Variants in HPCAL1 observed in about 807,000 individuals in gnomAD.
The protein encoded by HPCAL1 is hippocalcin-like protein 1.
Under a neutral mutation model 17.1 loss-of-function variants are expected in HPCAL1, and 8 were observed. The ratio of observed to expected loss-of-function variants is 0.47; its 90% confidence interval spans 0.27 to 0.84. The LOEUF (loss-of-function observed/expected upper bound fraction) is 0.84. Among genes scored for constraint, HPCAL1 ranks in the 40% least tolerant of loss-of-function variants. The pLI, the probability that HPCAL1 is intolerant of heterozygous loss-of-function variation, is 0.13. For missense variants in HPCAL1, 165 were observed against 271.1 expected (o/e 0.61, Z 2.75); for synonymous variants, 112 against 111.4 (o/e 1.01, Z -0.03).
chr2:10,413,122 C>T (rs968615075), intron 2 of HPCAL1, among the ~76,000 whole-genome samples: 11 of 152,200 alleles, frequency 7.2e-5, no homozygotes, highest in Admixed American at 2.0e-4. Flanking sequence ...GATGCAGAAA[C>T]AGATCAGAGG....
At chr2:10,409,453 T>C (rs1670189843) in intron 2 of HPCAL1, among the ~76,000 whole-genome samples, 1 of 152,208 alleles carries the variant, frequency 6.6e-6, no homozygotes, top group South Asian at 2.1e-4. Flanking sequence ...AAGCTAAGGC[T>C]GCAGGCAGCT....
intron 1 of HPCAL1, among the ~76,000 whole-genome samples, chr2:10,353,176 C>T (rs1362319287): frequency 6.6e-6 from 1 of 152,186 alleles, no homozygotes; most frequent in Non-Finnish European, 1.5e-5. Flanking sequence ...CCTCAGTTTC[C>T]TCATCTGTCA....
intron 1 of HPCAL1, among the ~76,000 whole-genome samples, chr2:10,374,794 C>T (rs1192564144): frequency 6.6e-6 from 1 of 152,250 alleles, no homozygotes; most frequent in Non-Finnish European, 1.5e-5. Flanking sequence ...GTGGCCCTGC[C>T]TGTAATCTTA....
chr2:10,397,648 A>C lies in HPCAL1; in HGVS notation c.-25+728A>C, dbSNP rs3771149. On this transcript the variant is annotated intron_variant, in intron 2 of 4. Coordinates refer to ENST00000307845, the MANE Select transcript of HPCAL1 (RefSeq NM_002149.4). Reference sequence around the variant, plus strand: ...TTAGCCTGGCTTAGGGGCTTTTTCCATCCGGAATCCTTCCTGGCCCTGCCT... The same window carrying C: ...TTAGCCTGGCTTAGGGGCTTTTTCCCTCCGGAATCCTTCCTGGCCCTGCCT... 8.8e-3 allele frequency among the ~76,000 whole-genome samples: 1,340 copies of C among 152,176 alleles called. 52 individuals are homozygous for C. The highest frequency in any genetic ancestry group is 0.077 in the East Asian group (399 of 5,154).
intron 1 of HPCAL1, among the ~76,000 whole-genome samples, chr2:10,335,489 A>G (rs775005764): frequency 1.1e-4 from 17 of 152,338 alleles, no homozygotes; most frequent in Non-Finnish European, 1.9e-4. Flanking sequence ...GAACCTCATG[A>G]GAGACCTTGA....
intron 2 of HPCAL1, among the ~76,000 whole-genome samples, chr2:10,409,065 TAATG>T (rs1376766729): frequency 6.6e-6 from 1 of 152,230 alleles, no homozygotes; most frequent in African/African-American, 2.4e-5. Flanking sequence ...GAGAAAGTAT[TAATG>T]AGATATTTTA....
At position 10,419,696 on chromosome 2, in the gene HPCAL1, C is replaced by T. The variant is rs910737725; in HGVS notation, c.-24-38C>T. 1.9e-6 allele frequency: 3 copies of T among 1,558,104 alleles called. No homozygotes were observed. The highest frequency in any genetic ancestry group is 2.7e-5 in the African/African-American group (2 of 73,980). On this transcript the variant is annotated intron_variant, in intron 2 of 4. Transcript: ENST00000307845. This position sits in a 1 kb window ranked among gnomAD's most constrained non-coding sequence, Gnocchi z 5.0. Reference sequence around the variant, plus strand: ...CACATGGCTCAGCCCTGCTCCGTGGCCGTGGGTGGCGTCCCCGGCTGACCC... The same window carrying T: ...CACATGGCTCAGCCCTGCTCCGTGGTCGTGGGTGGCGTCCCCGGCTGACCC...
chr2:10,374,592 C>G (rs1384104622), intron 1 of HPCAL1, among the ~76,000 whole-genome samples: 1 of 152,232 alleles, frequency 6.6e-6, no homozygotes, highest in Admixed American at 6.5e-5. Context: ...TGCGGTGGAA[C>G]CAGACCTTGC....
intron 1 of HPCAL1, among the ~76,000 whole-genome samples, chr2:10,356,536 A>T (rs1666168817): frequency 6.6e-6 from 1 of 152,080 alleles, no homozygotes; most frequent in African/African-American, 2.4e-5. Context: ...ATTTCCTTGA[A>T]TGACAGGAGA....
intron 1 of HPCAL1, among the ~76,000 whole-genome samples, chr2:10,380,513 G>A (rs931066452): frequency 2.0e-5 from 3 of 152,204 alleles, no homozygotes; most frequent in Non-Finnish European, 4.4e-5. Context: ...AAAGCTGGGG[G>A]TGCTGACTGC....
chr2:10,340,598 T>G (rs923720776), intron 1 of HPCAL1, among the ~76,000 whole-genome samples: 2 of 152,188 alleles, frequency 1.3e-5, no homozygotes, highest in Non-Finnish European at 2.9e-5. Flanking sequence ...GACTGAACTT[T>G]CCAGGGCCAC....
intron 1 of HPCAL1, among the ~76,000 whole-genome samples, chr2:10,339,298 G>A (rs1664919235): frequency 6.6e-6 from 1 of 151,572 alleles, no homozygotes; most frequent in African/African-American, 2.4e-5. Flanking sequence ...GATTACAGGT[G>A]GGCGCCACCA....
At chr2:10,318,282 G>GGGTA (rs1663443898) in intron 1 of HPCAL1, among the ~76,000 whole-genome samples, 1 of 152,040 alleles carries the variant, frequency 6.6e-6, no homozygotes, top group Non-Finnish European at 1.5e-5. Context: ...GGCCCCAGGT[G>GGGTA]GGTATCCTAC....
rs1343726490 is a variant in HPCAL1, at chr2:10,323,278, T to C, written c.-111+20101T>C. 3.3e-5 allele frequency among the ~76,000 whole-genome samples: 5 copies of C among 152,266 alleles called. No individual in the cohort carries two copies. The highest frequency in any genetic ancestry group is 5.9e-5 in the Non-Finnish European group (4 of 68,046). Reference sequence around the variant, plus strand: ...TTCCCGTCCAGCCTCTCAAGCTGGCTGCTCCCCTTTCTCAGTTGTCCCCTG... The same window carrying C: ...TTCCCGTCCAGCCTCTCAAGCTGGCCGCTCCCCTTTCTCAGTTGTCCCCTG... On this transcript the variant is annotated intron_variant, in intron 1 of 4. Transcript: ENST00000307845. This position sits in a 1 kb window ranked among gnomAD's most constrained non-coding sequence, Gnocchi z 4.6.
chr2:10,401,273 T>A (rs577098707), intron 2 of HPCAL1, among the ~76,000 whole-genome samples: 13 of 152,342 alleles, frequency 8.5e-5, no homozygotes, highest in African/African-American at 2.9e-4. Flanking sequence ...CTGGTATTTC[T>A]GGGACAGCCC....
rs1664401382 is a variant in HPCAL1, at chr2:10,331,824, C to CT, written c.-111+28648dup. ...TGGTGGCCCCAGCTGGGCTTGCTGC[C>CT]TGTGTGTGGTGAGGGTGCCCTTCTT... On this transcript the variant is annotated intron_variant, in intron 1 of 4. Coordinates refer to ENST00000307845, the MANE Select transcript of HPCAL1 (RefSeq NM_002149.4). This position sits in a 1 kb window ranked among gnomAD's most constrained non-coding sequence, Gnocchi z 5.0. Among the ~76,000 whole-genome samples, 1 of 152,148 alleles carries CT rather than the reference C, an allele frequency of 6.6e-6. No individual in the cohort carries two copies. The highest frequency in any genetic ancestry group is 2.1e-4 in the South Asian group (1 of 4,824).
In HPCAL1 at chr2:10,344,581, A is replaced by G. The variant is rs1159729536; in HGVS notation, c.-111+41404A>G. Reference sequence around the variant, plus strand: ...GAAGAAAAGCTATCGGGGCATCTGCAGCCACTATTATACCATCTGGCAGCT... The same window carrying G: ...GAAGAAAAGCTATCGGGGCATCTGCGGCCACTATTATACCATCTGGCAGCT... On this transcript the variant is annotated intron_variant, in intron 1 of 4. Coordinates refer to ENST00000307845, the MANE Select transcript of HPCAL1 (RefSeq NM_002149.4). This position sits in a 1 kb window ranked among gnomAD's most constrained non-coding sequence, Gnocchi z 4.9. Among the ~76,000 whole-genome samples, 1 of 152,244 alleles carries G rather than the reference A, an allele frequency of 6.6e-6. No homozygotes were observed. The highest frequency in any genetic ancestry group is 1.5e-5 in the Non-Finnish European group (1 of 68,048).
intron 1 of HPCAL1, among the ~76,000 whole-genome samples, chr2:10,348,262 A>G (rs951591952): frequency 6.6e-6 from 1 of 152,054 alleles, no homozygotes; most frequent in Admixed American, 6.6e-5. Context: ...CCAGCCTGCC[A>G]ACATGGTGAA....
intron 2 of HPCAL1, chr2:10,408,736 T>C (rs1670132672): frequency 6.6e-6 from 1 of 152,194 alleles, no homozygotes; most frequent in African/African-American, 2.4e-5. Context: ...GACTCACAGG[T>C]AATTATGAAA....
Sources: allele counts gnomAD v4.1 joint callset (sites outside exome capture counted in the v4.1 genomes callset), GRCh38; gene constraint gnomAD v4.1.1; non-coding constraint Gnocchi (gnomAD v3.1); transcripts MANE v1.5; gene names NCBI Gene and HGNC (gene_info 2026-07-23, HGNC 2026-07-21).